Variants in SYNPR observed in about 807,000 individuals in gnomAD.
SYNPR encodes the protein synaptoporin.
A neutral mutation model predicts 32.9 loss-of-function variants in SYNPR; 23 were observed. The observed-to-expected ratio is 0.70, with a 90% CI of 0.50 to 0.99. The LOEUF is 0.99. SYNPR is among the 50% of genes least tolerant of loss of function. The pLI is 0.00. For synonymous variants in SYNPR, 146 were observed against 135.9 expected (o/e 1.07, Z -0.52); for missense variants, 318 against 349.3 (o/e 0.91, Z 0.71).
intron 2 of SYNPR, among the ~76,000 whole-genome samples, chr3:63,457,150 T>G (rs1004834777): frequency 1.3e-5 from 2 of 152,102 alleles, no homozygotes; most frequent in African/African-American, 4.8e-5. Flanking sequence ...GGAAGTTATC[T>G]GGTGCCACGA....
chr3:63,310,694 C>A (rs2086955322), intron 2 of SYNPR, among the ~76,000 whole-genome samples: 2 of 151,950 alleles, frequency 1.3e-5, no homozygotes, highest in African/African-American at 4.8e-5. Flanking sequence ...TCATGTCCAA[C>A]ACAGAGCCAA....
intron 2 of SYNPR, among the ~76,000 whole-genome samples, chr3:63,382,004 T>A (rs2087976872): frequency 6.6e-6 from 1 of 152,238 alleles, no homozygotes; most frequent in Non-Finnish European, 1.5e-5. Flanking sequence ...CTGCTTTTCT[T>A]TTATATCCCC....
At chr3:63,584,470 G>A (rs996952853) in intron 4 of SYNPR, among the ~76,000 whole-genome samples, 2 of 151,982 alleles carry the variant, frequency 1.3e-5, no homozygotes, top group African/African-American at 4.8e-5. Flanking sequence ...GATTTGGCTG[G>A]GTATACAGGA....
At chr3:63,203,064 A>ATGTGTGTG in the SYNPR span, among the ~76,000 whole-genome samples, 39 of 42,944 alleles carry the variant, frequency 9.1e-4, 2 homozygotes, top group Middle Eastern at 0.014. Flanking sequence ...ATATATATGT[A>ATGTGTGTG]TGTGTATATA....
chr3:63,535,128 A>G (rs1702178845), intron 3 of SYNPR, among the ~76,000 whole-genome samples: 1 of 152,184 alleles, frequency 6.6e-6, no homozygotes, highest in South Asian at 2.1e-4. Context: ...AAAGAAAATA[A>G]TTGCATGGAA....
intron 2 of SYNPR, among the ~76,000 whole-genome samples, chr3:63,429,189 G>C (rs542344714): frequency 6.6e-6 from 1 of 152,298 alleles, no homozygotes; most frequent in African/African-American, 2.4e-5. Context: ...AAAACAGTAA[G>C]AGGAGCCAGA....
At chr3:63,211,763 G>T in the SYNPR span, among the ~76,000 whole-genome samples, 1 of 145,022 alleles carries the variant, frequency 6.9e-6, no homozygotes, top group Non-Finnish European at 1.5e-5. Flanking sequence ...CATTGTGCAG[G>T]TTAGTTACAT....
intron 2 of SYNPR, among the ~76,000 whole-genome samples, chr3:63,305,082 C>T (rs182118429): frequency 5.5e-4 from 83 of 152,070 alleles, no homozygotes; most frequent in Non-Finnish European, 9.7e-4. Context: ...TTTATGCAGT[C>T]CCCTCCCACA....
chr3:63,252,676 CT>C (rs966737195), intron 2 of SYNPR: 11 of 152,108 alleles, frequency 7.2e-5, no homozygotes, highest in African/African-American at 2.4e-4. Context: ...TTCATACCCC[CT>C]AGCATATGGT....
chr3:63,520,740 C>T (rs556208132), intron 3 of SYNPR, among the ~76,000 whole-genome samples: 1 of 151,890 alleles, frequency 6.6e-6, no homozygotes, highest in Non-Finnish European at 1.5e-5. Flanking sequence ...AAAGGGAGTA[C>T]CCAGCTAGTG....
intron 2 of SYNPR, among the ~76,000 whole-genome samples, chr3:63,297,140 G>C (rs576410698): frequency 6.6e-6 from 1 of 152,322 alleles, no homozygotes; most frequent in African/African-American, 2.4e-5. Flanking sequence ...ATTTAGATTA[G>C]GGACTAGCTA....
chr3:63,556,195 A>T (rs1028677991), intron 3 of SYNPR, among the ~76,000 whole-genome samples: 2 of 152,200 alleles, frequency 1.3e-5, no homozygotes, highest in Non-Finnish European at 2.9e-5. Flanking sequence ...AGGGGCACCA[A>T]GGTAAGGCCT....
intron 2 of SYNPR, among the ~76,000 whole-genome samples, chr3:63,437,022 A>G (rs1575643331): frequency 6.6e-6 from 1 of 151,990 alleles, no homozygotes; most frequent in African/African-American, 2.4e-5. Flanking sequence ...GATTACAGGC[A>G]CCTGCCACCA....
chr3:63,220,949 T>C, the SYNPR span, among the ~76,000 whole-genome samples: 1 of 152,350 alleles, frequency 6.6e-6, no homozygotes, highest in South Asian at 2.1e-4. Context: ...TGCAATTCTT[T>C]ATATTAAACT....
intron 5 of SYNPR, 91 bp from the exon 6 acceptor site, chr3:63,615,133 T>C: frequency 7.0e-7 from 1 of 1,418,910 alleles, no homozygotes; most frequent in Non-Finnish European, 9.5e-7. Flanking sequence ...TGAAAAGTGA[T>C]CTTTTGTATT....
chr3:63,336,567 C>G (rs1308240107), intron 2 of SYNPR, among the ~76,000 whole-genome samples: 3 of 87,724 alleles, frequency 3.4e-5, no homozygotes, highest in African/African-American at 4.4e-5. Context: ...AAAAAAGACT[C>G]TATACAATAG....
At chr3:63,274,166 T>C (rs772433495), upstream of SYNPR, among the ~76,000 whole-genome samples, 1 of 152,218 alleles carries the variant, frequency 6.6e-6, no homozygotes, top group African/African-American at 2.4e-5. Context: ...TGTTTCCTCC[T>C]GTATTAAGTT....
At chr3:63,225,979 G>A (rs1182613247), upstream of SYNPR, among the ~76,000 whole-genome samples, 1 of 151,840 alleles carries the variant, frequency 6.6e-6, no homozygotes, top group Non-Finnish European at 1.5e-5. Context: ...CCAGTAAAAA[G>A]TAGGCAAAAT....
intron 1 of SYNPR, among the ~76,000 whole-genome samples, chr3:63,248,367 G>A (rs1439487776): frequency 6.6e-6 from 1 of 152,112 alleles, no homozygotes; most frequent in African/African-American, 2.4e-5. Flanking sequence ...GAAGATACGG[G>A]TGAAGTGTGG....
Sources: allele counts gnomAD v4.1 joint callset (sites outside exome capture counted in the v4.1 genomes callset), GRCh38; gene constraint gnomAD v4.1.1; transcripts MANE v1.5; gene names NCBI Gene and HGNC (gene_info 2026-07-23, HGNC 2026-07-21).